SLC26A3: variants seen among roughly 807,000 people sequenced by gnomAD.
The protein encoded by SLC26A3 is chloride anion exchanger.
In SLC26A3, 64 loss-of-function variants were observed where a neutral mutation model predicts 85.6. The ratio of observed to expected loss-of-function variants is 0.75; its 90% CI spans 0.61 to 0.92. The LOEUF is 0.92. Ranked by LOEUF, SLC26A3 falls within the 40% of genes least tolerant of loss-of-function variation. The pLI is 0.00. For missense variants in SLC26A3, 922 were observed against 927.3 expected, an observed-to-expected ratio of 0.99 and a Z score of 0.07; for synonymous variants, 349 against 336.0, an observed-to-expected ratio of 1.04 and a Z score of -0.42.
chr7:107,773,960 A>G lies in SLC26A3; in HGVS notation c.1967T>C (p.Val656Ala), dbSNP rs750543253. The part of the protein sequence containing the change: ...LHSLILDFSA[V>A]SFLDVSSVRG... ...CACTGAAGAAACATCAAGAAAGGAC[A>G]CTGCTGAAAAGTCAAGAATGAGGCT... The change falls in exon 17 of 21, where the codon GTG becomes GCG. Residue 656 changes from valine to alanine, a missense_variant. Physicochemically the swap from Val to Ala is moderately conservative, Grantham distance 64. Coordinates refer to ENST00000340010, the MANE Select transcript of SLC26A3 (RefSeq NM_000111.3). The G allele has an allele frequency of 6.2e-7, 1 of 1,614,140 alleles. No individual in the cohort carries two copies. Among genetic ancestry groups the G allele is most frequent in the Non-Finnish European group, 8.5e-7 (1 of 1,179,980 alleles).
chr7:107,780,001 T>C (rs1006513906), intron 11 of SLC26A3, among the ~76,000 whole-genome samples: 2 of 152,010 alleles, frequency 1.3e-5, no homozygotes, highest in Non-Finnish European at 2.9e-5. Flanking sequence ...CTTGTGATTA[T>C]GAGATAGATG....
Position 107,793,832 on chromosome 7 carries a change from C to A in SLC26A3, c.181G>T (p.Ala61Ser). 1.9e-6 allele frequency: 3 copies of A among 1,614,024 alleles called. No individual in the cohort carries two copies. The highest frequency in any genetic ancestry group is 2.5e-6 in the Non-Finnish European group (3 of 1,179,980). The change falls in exon 3 of 21, where the codon GCA (alanine) becomes TCA (serine). Residue 61 changes from alanine to serine, a missense_variant. Ala to Ser is a moderately conservative substitution (Grantham distance 99). Transcript: ENST00000340010. ...KRIVLSLFPI[A>S]SWLPAYRLKE... is the part of the protein sequence containing the mutation. ...AGCCGGTATGCTGGCAACCAAGATG[C>A]TATGGGGAACAAAGAGAGGACAATT...
chr7:107,783,783 T>C (rs1283618475), intron 8 of SLC26A3, among the ~76,000 whole-genome samples: 2 of 152,200 alleles, frequency 1.3e-5, no homozygotes, highest in African/African-American at 4.8e-5. Context: ...AAAAAAGTCT[T>C]CTTTCCATTG....
chr7:107,778,981 A>T (rs1032946772), intron 12 of SLC26A3, among the ~76,000 whole-genome samples: 29 of 152,114 alleles, frequency 1.9e-4, no homozygotes, highest in African/African-American at 6.7e-4. Context: ...ACAGAGGGAG[A>T]TCCTATCTCT....
chr7:107,770,002 CTTTCTTTCTTTCTTTCTTTCT>C (rs946963704), intron 18 of SLC26A3, among the ~76,000 whole-genome samples: 24 of 30,624 alleles, frequency 7.8e-4, no homozygotes, highest in African/African-American at 6.8e-3. Flanking sequence ...CCTTTTTTCT[CTTTCTTTCTTTCTTTCTTTCT>C]TTCTTTCTTT....
At chr7:107,790,921 G>T in intron 5 of SLC26A3, 127 bp downstream of exon 5, 2 of 972,378 alleles carry the variant, frequency 2.1e-6, no homozygotes, top group Non-Finnish European at 3.2e-6. Context: ...ATTTCCTATG[G>T]GCCATGAGGG....
intron 17 of SLC26A3, 41 bp downstream of exon 17, chr7:107,773,879 A>C (rs942407958): frequency 1.3e-6 from 2 of 1,497,864 alleles, no homozygotes; most frequent in Admixed American, 1.7e-5. Flanking sequence ...TTTAACCTTT[A>C]GTCATTGATT....
intron 12 of SLC26A3, 146 bp downstream of exon 12, chr7:107,779,522 T>C (rs1794181724): frequency 1.5e-6 from 1 of 683,382 alleles, no homozygotes; most frequent in Non-Finnish European, 2.5e-6. Flanking sequence ...AATTTAAAAA[T>C]AGCAAATAAA....
intron 8 of SLC26A3, among the ~76,000 whole-genome samples, chr7:107,784,984 A>G (rs1794269341): frequency 6.6e-6 from 1 of 152,208 alleles, no homozygotes; most frequent in Non-Finnish European, 1.5e-5. Context: ...AGCAATAATT[A>G]ATAATCACTA....
chr7:107,774,270 G>A, intron 16 of SLC26A3, 117 bp from the exon 17 acceptor site: 1 of 830,506 alleles, frequency 1.2e-6, no homozygotes, highest in South Asian at 1.4e-5. Context: ...GATGGGATTG[G>A]ACTAGGTGTG....
chr7:107,790,398 A>G (rs543545773), intron 5 of SLC26A3, among the ~76,000 whole-genome samples: 169 of 152,358 alleles, frequency 1.1e-3, no homozygotes, highest in African/African-American at 4.0e-3. Context: ...CAAATTGTCA[A>G]TAAGACGCAT....
chr7:107,799,544 C>T (rs930936253), intron 1 of SLC26A3, among the ~76,000 whole-genome samples: 9 of 152,228 alleles, frequency 5.9e-5, no homozygotes, highest in Middle Eastern at 3.4e-3. Flanking sequence ...GCACCCGTTA[C>T]CATGCCCAGC....
In SLC26A3 at chr7:107,791,863, G is replaced by T. The variant is rs1010112873; in HGVS notation, c.349C>A (p.Leu117Ile). 5 of 1,613,314 alleles carry T rather than the reference G, an allele frequency of 3.1e-6. No individual in the cohort carries two copies. The highest frequency in any genetic ancestry group is 4.2e-6 in the Non-Finnish European group (5 of 1,179,446). ...ATGTGTCTGGAAGTGCCGAAGAAAA[G>T]GTAGATTATGGCTGGGAAAAAGGAT... is the stretch of plus-strand genomic sequence containing the variant. ...YASFFPAIIYLFFGTSRHISV... is the reference protein window; with the variant it reads ...YASFFPAIIYIFFGTSRHISV... Residue 117 changes from leucine (L) to isoleucine (I), a missense_variant, in exon 4 of 21, where the codon CTT becomes ATT. Physicochemically the swap from Leu to Ile is conservative, Grantham distance 5 (BLOSUM62 2). Coordinates refer to ENST00000340010, the MANE Select transcript of SLC26A3 (RefSeq NM_000111.3).
chr7:107,802,215 T>C (rs977133686), intron 1 of SLC26A3, among the ~76,000 whole-genome samples: 6 of 152,148 alleles, frequency 3.9e-5, no homozygotes, highest in African/African-American at 1.4e-4. Flanking sequence ...AAATTGTTCC[T>C]CACTTGCATA....
intron 1 of SLC26A3, among the ~76,000 whole-genome samples, chr7:107,801,126 C>A (rs917983453): frequency 1.3e-5 from 2 of 152,146 alleles, no homozygotes; most frequent in African/African-American, 4.8e-5. Context: ...TGGATGGAGG[C>A]AGACAAGATA....
chr7:107,787,540 C>T (rs1210834768), intron 6 of SLC26A3, 31 bp from the exon 7 acceptor site: 1 of 1,596,806 alleles, frequency 6.3e-7, no homozygotes, highest in East Asian at 2.2e-5. Context: ...ACCACCAAAG[C>T]CCTATATTAA....
At chr7:107,772,378 C>T (rs992403773) in intron 17 of SLC26A3, among the ~76,000 whole-genome samples, 23 of 152,136 alleles carry the variant, frequency 1.5e-4, no homozygotes, top group African/African-American at 5.6e-4. Context: ...CTGTCTCAAA[C>T]TCATAAGAAC....
chr7:107,785,291 C>G (rs1161587441), intron 8 of SLC26A3, among the ~76,000 whole-genome samples: 1 of 152,122 alleles, frequency 6.6e-6, no homozygotes, highest in Non-Finnish European at 1.5e-5. Flanking sequence ...TGCTCAAGCT[C>G]AAAAAGTGAG....
In SLC26A3 at chr7:107,765,888, G is replaced by C; in HGVS notation, c.2272-10C>G. The C allele has an allele frequency of 2.5e-6, 4 of 1,608,508 alleles. No individual in the cohort carries two copies. The highest frequency in any genetic ancestry group is 3.4e-6 in the Non-Finnish European group (4 of 1,175,358). On this transcript the variant is annotated splice_polypyrimidine_tract_variant and intron_variant, in intron 20 of 20. Transcript: ENST00000340010. ...TTGTTTCAACTGGCACCTGGAAGAA[G>C]ACAGAAAGTTCTTGTTTTAAAATAC...
Sources: allele counts gnomAD v4.1 joint callset (sites outside exome capture counted in the v4.1 genomes callset), GRCh38; gene constraint gnomAD v4.1.1; transcripts MANE v1.5; gene names NCBI Gene and HGNC (gene_info 2026-07-23, HGNC 2026-07-21).